Variants in CRACDL observed in about 807,000 individuals in gnomAD.
CRACDL encodes CRACD-like protein.
In CRACDL, 26 loss-of-function variants were observed where a neutral mutation model predicts 70.6. That is an observed-to-expected ratio of 0.37 (90% CI 0.27 to 0.51). CRACDL has a LOEUF of 0.51. Ranked by LOEUF, CRACDL falls within the 20% of genes least tolerant of loss-of-function variation. The probability of loss-of-function intolerance (pLI) is 0.94; values close to 1 mark genes in which losing one functional copy is unlikely to be tolerated. For synonymous variants in CRACDL, 618 were observed against 615.2 expected, an observed-to-expected ratio of 1.00 and a Z score of -0.07; for missense variants, 1,283 against 1,376.9, an observed-to-expected ratio of 0.93 and a Z score of 1.08.
At chr2:98,927,149 T>G (rs1354104306) in intron 1 of CRACDL, among the ~76,000 whole-genome samples, 1 of 152,190 alleles carries the variant, frequency 6.6e-6, no homozygotes, top group African/African-American at 2.4e-5. Flanking sequence ...GTATCTGGTT[T>G]CCCCTGTGGA....
chr2:98,886,635 A>C (rs1167786748), intron 1 of CRACDL, among the ~76,000 whole-genome samples: 1 of 152,196 alleles, frequency 6.6e-6, no homozygotes, highest in East Asian at 1.9e-4. Context: ...ACTAGTTCTA[A>C]ATGTTTAAGA....
intron 1 of CRACDL, among the ~76,000 whole-genome samples, chr2:98,883,781 A>T (rs1707720555): frequency 6.6e-6 from 1 of 152,166 alleles, no homozygotes; most frequent in Non-Finnish European, 1.5e-5. Flanking sequence ...TTTCTCACCT[A>T]TCAAAAGGGG....
rs776577082 is a variant in CRACDL at position 98,838,200 on chromosome 2, G to C, written c.158C>G (p.Thr53Ser). The change falls in exon 3 of 10, where the codon ACC becomes AGC. Residue 53 changes from threonine (T) to serine (S), a missense_variant. Coordinates refer to ENST00000397899, the MANE Select transcript of CRACDL (RefSeq NM_207362.3). ...ATTCCTCGTCTGACTTTGTTTCCAG[G>C]TGCTACTTCCTGTGGACGACGGCGA... Reference protein sequence around the residue: ...KESPSSTGSSTWKQSQTRNEV... With the variant: ...KESPSSTGSSSWKQSQTRNEV... 2 of 1,613,772 alleles carry C rather than the reference G, an allele frequency of 1.2e-6. No individual in the cohort carries two copies. The highest frequency in any genetic ancestry group is 1.7e-6 in the Non-Finnish European group (2 of 1,179,848).
intron 7 of CRACDL, among the ~76,000 whole-genome samples, chr2:98,817,003 T>G (rs1363005301): frequency 6.6e-6 from 1 of 152,218 alleles, no homozygotes; most frequent in Non-Finnish European, 1.5e-5. Flanking sequence ...ATACCTACAG[T>G]GGAATATTAT....
intron 1 of CRACDL, among the ~76,000 whole-genome samples, chr2:98,918,539 C>CAAAAAAAAAAAAAAAAA (rs58312556): frequency 2.1e-4 from 14 of 66,346 alleles, no homozygotes; most frequent in Non-Finnish European, 3.7e-4. Flanking sequence ...TGTTGTCTAC[C>CAAAAAAAAAAAAAAAAA]AAAAAAAAAA....
chr2:98,878,292 T>C (rs1489641346), intron 1 of CRACDL, among the ~76,000 whole-genome samples: 2 of 152,212 alleles, frequency 1.3e-5, no homozygotes, highest in Admixed American at 6.5e-5. Context: ...CTTTTCTATG[T>C]TTAGATATGT....
intron 1 of CRACDL, among the ~76,000 whole-genome samples, chr2:98,900,440 C>T (rs894379891): frequency 5.9e-5 from 9 of 151,926 alleles, no homozygotes; most frequent in Admixed American, 6.6e-5. Context: ...GGGAGGAGTG[C>T]CCTGGTACCC....
intron 1 of CRACDL, among the ~76,000 whole-genome samples, chr2:98,915,688 C>T (rs1490838820): frequency 6.6e-6 from 1 of 152,150 alleles, no homozygotes; most frequent in African/African-American, 2.4e-5. Context: ...GGGGAAATAG[C>T]TGTGAGCCAC....
chr2:98,802,924 G>C (rs1319462415), intron 7 of CRACDL, among the ~76,000 whole-genome samples: 1 of 152,080 alleles, frequency 6.6e-6, no homozygotes, highest in Non-Finnish European at 1.5e-5. Flanking sequence ...TTTGGTACAT[G>C]GTGTCCTTTC....
chr2:98,817,396 A>G (rs1462333330), intron 7 of CRACDL, among the ~76,000 whole-genome samples: 1 of 152,240 alleles, frequency 6.6e-6, no homozygotes, highest in Non-Finnish European at 1.5e-5. Context: ...AAAATTCAAG[A>G]GACAGGAATA....
At chr2:98,872,471 G>A (rs1281987274) in intron 1 of CRACDL, among the ~76,000 whole-genome samples, 1 of 152,120 alleles carries the variant, frequency 6.6e-6, no homozygotes, top group African/African-American at 2.4e-5. Context: ...GGGGGAGGGT[G>A]GAAAATTATT....
intron 1 of CRACDL, among the ~76,000 whole-genome samples, chr2:98,885,581 C>T (rs1262395776): frequency 6.6e-6 from 1 of 152,088 alleles, no homozygotes; most frequent in Non-Finnish European, 1.5e-5. Flanking sequence ...CTCAATAAAA[C>T]TGCACAAGGG....
Position 98,822,911 on chromosome 2 carries a change from T to TG in CRACDL, c.1361dup (p.Gly455ArgfsTer5). ...CTCTCTCGGGCTCAGGCGCCGGCCC[T>TG]GGGGGCCCCTTCTCCTCATCCGGGA... is the stretch of plus-strand genomic sequence containing the variant. On this transcript the variant is annotated frameshift_variant, in exon 7 of 10. Coordinates refer to ENST00000397899, the MANE Select transcript of CRACDL (RefSeq NM_207362.3). LOFTEE classifies it high-confidence loss of function. The surrounding 1 kb of genome is among the most constrained non-coding windows in gnomAD (Gnocchi z 4.9). 1 of 1,473,198 alleles carries TG rather than the reference T, an allele frequency of 6.8e-7. No individual in the cohort carries two copies. The allele number at this position is 1,473,198 out of a possible 1,614,324, so 91.3% of individuals were successfully genotyped here. A position where few individuals can be genotyped will look rare whatever the true frequency, so the allele number is the denominator to read the frequency against.
intron 1 of CRACDL, chr2:98,897,367 T>C (rs764161533): frequency 3.1e-6 from 4 of 1,303,530 alleles, no homozygotes; most frequent in African/African-American, 1.5e-5. Context: ...TTGCTCCTCT[T>C]AGCACCTACC....
At chr2:98,873,832 C>T (rs1361811730) in intron 1 of CRACDL, among the ~76,000 whole-genome samples, 2 of 152,152 alleles carry the variant, frequency 1.3e-5, no homozygotes, top group African/African-American at 4.8e-5. Flanking sequence ...ATGGAGAAAC[C>T]CCATCTCTAC....
chr2:98,823,525 C>T lies in CRACDL; in HGVS notation c.748G>A (p.Glu250Lys), dbSNP rs1575351483. ...MRRLSSRAQSESLSDLTCTPE... is the reference protein window; with the variant it reads ...MRRLSSRAQSKSLSDLTCTPE... ...GTGCACGTCAGGTCGCTCAGGGATTCAGACTGAGCGCGCTGAGAGAAATAA... is the reference window on the plus strand; with the variant it reads ...GTGCACGTCAGGTCGCTCAGGGATTTAGACTGAGCGCGCTGAGAGAAATAA... The change falls in exon 7 of 10, where the codon GAA (glutamate) becomes AAA (lysine). Residue 250 changes from glutamate (E) to lysine (K), a missense_variant. Transcript: ENST00000397899. This position sits in a 1 kb window ranked among gnomAD's most constrained non-coding sequence, Gnocchi z 4.0. 1.3e-6 allele frequency: 2 copies of T among 1,585,522 alleles called. No individual in the cohort carries two copies. The highest frequency in any genetic ancestry group is 1.7e-6 in the Non-Finnish European group (2 of 1,173,602).
At chr2:98,885,536 A>G (rs1302169704) in intron 1 of CRACDL, among the ~76,000 whole-genome samples, 1 of 152,200 alleles carries the variant, frequency 6.6e-6, no homozygotes, top group Non-Finnish European at 1.5e-5. Context: ...TGAAAATATG[A>G]CTGACAGGGT....
intron 1 of CRACDL, among the ~76,000 whole-genome samples, chr2:98,928,347 G>A (rs958342678): frequency 3.1e-4 from 47 of 152,202 alleles, no homozygotes; most frequent in African/African-American, 1.1e-3. Context: ...AATGTTGTAA[G>A]AGATCCGCTC....
At chr2:98,929,531 T>C (rs1055322117) in intron 1 of CRACDL, among the ~76,000 whole-genome samples, 2 of 152,158 alleles carry the variant, frequency 1.3e-5, no homozygotes, top group Non-Finnish European at 2.9e-5. Context: ...AAACCATCCC[T>C]GAGCACACAG....
Sources: allele counts gnomAD v4.1 joint callset (sites outside exome capture counted in the v4.1 genomes callset), GRCh38; gene constraint gnomAD v4.1.1; non-coding constraint Gnocchi (gnomAD v3.1); transcripts MANE v1.5; gene names NCBI Gene and HGNC (gene_info 2026-07-23, HGNC 2026-07-21).